The following LMNA variants were observed in gnomAD, a reference collection of about 807,000 sequenced individuals.
LMNA encodes lamin A/C.
A neutral mutation model predicts 70.4 loss-of-function variants in LMNA; 20 were observed. The observed-to-expected ratio is 0.28, with a 90% CI of 0.20 to 0.41. The LOEUF is 0.41. LMNA is among the 10% of genes least tolerant of loss of function. The pLI, the probability that LMNA is intolerant of heterozygous loss-of-function variation, is 1.00. For synonymous variants in LMNA, 339 were observed against 372.8 expected (o/e 0.91, Z 1.04); for missense variants, 652 against 917.2 (o/e 0.71, Z 3.73).
chr1:156,131,919 CA>C (rs1651106109), intron 2 of LMNA, among the ~76,000 whole-genome samples: 1 of 152,232 alleles, frequency 6.6e-6, no homozygotes, highest in Admixed American at 6.5e-5. Context: ...CCTATAATCC[CA>C]GCACTTTGGG....
intron 2 of LMNA, among the ~76,000 whole-genome samples, chr1:156,083,368 A>G (rs1648344135): frequency 6.6e-6 from 1 of 152,080 alleles, no homozygotes; most frequent in Non-Finnish European, 1.5e-5. Flanking sequence ...AGCTTTGGAT[A>G]TGACAGGAGG....
chr1:156,128,299 T>C (rs1275186984), intron 1 of LMNA, among the ~76,000 whole-genome samples: 1 of 152,132 alleles, frequency 6.6e-6, no homozygotes, highest in Non-Finnish European at 1.5e-5. Context: ...AGAAAAAACT[T>C]CTGTGCTCAT....
rs776015136 is a variant in LMNA, at chr1:156,135,020, G to A, written c.810+45G>A. On this transcript the variant is annotated intron_variant, in intron 4 of 11. Transcript: ENST00000368300. This position sits in a 1 kb window ranked among gnomAD's most constrained non-coding sequence, Gnocchi z 4.8. ...TCCCTCACTGCCTCTGCCCTTGGCA[G>A]CCCTACCCTTACCCACGCTGGGCTA... The A allele has an allele frequency of 8.7e-6, 14 of 1,613,218 alleles. No individual in the cohort carries two copies. The highest frequency in any genetic ancestry group is 1.7e-5 in the Admixed American group (1 of 60,002).
At chr1:156,123,990 G>T (rs1650374076) in intron 1 of LMNA, among the ~76,000 whole-genome samples, 1 of 152,190 alleles carries the variant, frequency 6.6e-6, no homozygotes, top group Admixed American at 6.5e-5. Flanking sequence ...ATTAAAACCT[G>T]GCTTTGTCTT....
Position 156,137,919 on chromosome 1 carries a change from C to T in LMNA, c.1698+176C>T, listed in dbSNP as rs1651812855. On this transcript the variant is annotated intron_variant, in intron 10 of 11. Transcript: ENST00000368300. This position sits in a 1 kb window ranked among gnomAD's most constrained non-coding sequence, Gnocchi z 4.6. ...CCTCCCTATACCTTGAACAGGGAAC[C>T]CAGGTGTCTGGGTGCCCTACTCTGG... 1.5e-6 allele frequency: 2 copies of T among 1,378,104 alleles called. No individual in the cohort carries two copies. Among genetic ancestry groups the T allele is most frequent in the African/African-American group, 1.4e-5 (1 of 69,486 alleles). 85.4% of individuals were successfully genotyped at this position (1,378,104 alleles called of 1,614,324 possible). A position where few individuals can be genotyped will look rare whatever the true frequency, so the allele number is the denominator to read the frequency against.
Position 156,138,360 on chromosome 1 carries a change from G to T in LMNA, c.1699-128G>T. The T allele has an allele frequency of 9.4e-7, 1 of 1,068,904 alleles. No individual in the cohort carries two copies. The highest frequency in any genetic ancestry group is 1.5e-5 in the South Asian group (1 of 65,872). The allele number at this position is 1,068,904 out of a possible 1,614,324, so 66.2% of individuals were successfully genotyped here. On this transcript the variant is annotated intron_variant, in intron 10 of 11. Transcript: ENST00000368300. This position sits in a 1 kb window ranked among gnomAD's most constrained non-coding sequence, Gnocchi z 5.5. ...CCTCCCAAACCCCCATTGCCCGCTG[G>T]CTCCTTGGGCACAGAACCACACCTT...
At position 156,137,811 on chromosome 1, in the gene LMNA, C is replaced by T. The variant is rs756695810; in HGVS notation, c.1698+68C>T. 21 of 1,544,738 alleles carry T rather than the reference C, an allele frequency of 1.4e-5. No homozygotes were observed. Among genetic ancestry groups the T allele is most frequent in the Non-Finnish European group, 1.5e-5 (17 of 1,145,900 alleles). ...ACCCAGCCAGGCCTGGGGGCAGCCT[C>T]TCCCCAGCCTCCCCGTGCCAAAAAT... On this transcript the variant is annotated intron_variant, in intron 10 of 11. Coordinates refer to ENST00000368300, the MANE Select transcript of LMNA (RefSeq NM_170707.4). The surrounding 1 kb of genome is among the most constrained non-coding windows in gnomAD (Gnocchi z 4.6).
chr1:156,121,774 C>A (rs1297037819), intron 1 of LMNA, among the ~76,000 whole-genome samples: 1 of 152,142 alleles, frequency 6.6e-6, no homozygotes, highest in Non-Finnish European at 1.5e-5. Context: ...CCATTCTCAC[C>A]TCCTTGGGGT....
chr1:156,125,610 A>T (rs1218565463), intron 1 of LMNA, among the ~76,000 whole-genome samples: 1 of 152,002 alleles, frequency 6.6e-6, no homozygotes, highest in African/African-American at 2.4e-5. Flanking sequence ...AATTGCTTGA[A>T]CCTGGGAGGT....
chr1:156,096,835 C>CGCTT (rs957031743), intron 3 of LMNA, among the ~76,000 whole-genome samples: 2 of 152,254 alleles, frequency 1.3e-5, no homozygotes, highest in Non-Finnish European at 1.5e-5. Context: ...ACCTCCCTTG[C>CGCTT]GCTTGCTCAT....
At chr1:156,086,750 C>T (rs1648496339) in intron 2 of LMNA, among the ~76,000 whole-genome samples, 1 of 152,136 alleles carries the variant, frequency 6.6e-6, no homozygotes, top group Non-Finnish European at 1.5e-5. Flanking sequence ...AGCTATTCTC[C>T]TGCCTCAGCC....
chr1:156,114,941 G>A lies in LMNA; in HGVS notation c.23G>A (p.Arg8His), dbSNP rs1329278578. 7.7e-6 allele frequency: 12 copies of A among 1,565,894 alleles called. No homozygotes were observed. Among genetic ancestry groups the A allele is most frequent in the Non-Finnish European group, 1.0e-5 (12 of 1,155,308 alleles). METPSQR[R>H]ATRSGAQASS... The stretch of plus-strand genomic sequence containing the variant: ...GCCATGGAGACCCCGTCCCAGCGGC[G>A]CGCCACCCGCAGCGGGGCGCAGGCC... The change falls in exon 1 of 12, where the codon CGC becomes CAC. Residue 8 changes from arginine to histidine, a missense_variant. By Grantham distance (29) the Arg-to-His change is conservative. This residue lies in a region of LMNA where 254 missense variants were observed against 421.9 expected (regional missense o/e 0.60). Coordinates refer to ENST00000368300, the MANE Select transcript of LMNA (RefSeq NM_170707.4).
chr1:156,105,269 G>A (rs1649289101), intron 3 of LMNA, among the ~76,000 whole-genome samples: 1 of 152,174 alleles, frequency 6.6e-6, no homozygotes, highest in South Asian at 2.1e-4. Context: ...GGATCTAGAA[G>A]GGAGGTGGTT....
chr1:156,097,530 T>A (rs910565972), intron 3 of LMNA, among the ~76,000 whole-genome samples: 2 of 152,234 alleles, frequency 1.3e-5, no homozygotes, highest in African/African-American at 4.8e-5. Flanking sequence ...CCCTGTTTTA[T>A]CAAAGAGGAA....
Position 156,138,943 on chromosome 1 carries a change from C to G in LMNA, c.1969-137C>G. 1 of 1,285,322 alleles carries G rather than the reference C, an allele frequency of 7.8e-7. No homozygotes were observed. The highest frequency in any genetic ancestry group is 1.1e-6 in the Non-Finnish European group (1 of 890,822). The allele number at this position is 1,285,322 out of a possible 1,614,324, so 79.6% of individuals were successfully genotyped here. A position where few individuals can be genotyped will look rare whatever the true frequency, so the allele number is the denominator to read the frequency against. ...CTGCATCCTGCCCCTCTTGTCTGAG[C>G]CCCAGACTGGAGGGCAGGGGCAGGG... On this transcript the variant is annotated intron_variant, in intron 11 of 11. Coordinates refer to ENST00000368300, the MANE Select transcript of LMNA (RefSeq NM_170707.4). The surrounding 1 kb of genome is among the most constrained non-coding windows in gnomAD (Gnocchi z 5.5).
upstream of LMNA, among the ~76,000 whole-genome samples, chr1:156,113,679 T>A: frequency 6.6e-6 from 1 of 151,960 alleles, no homozygotes; most frequent in East Asian, 1.9e-4. Flanking sequence ...AGACCCAATA[T>A]TGGCTGTCCA....
In LMNA at chr1:156,093,298, A is replaced by AGTTTTTTTTTTTTTTTTTTTTT. The variant is rs1399858052; in HGVS notation, c.-207+2716_-207+2717insGTTTTTTTTTTTTTTTTTTTTT. Among the ~76,000 whole-genome samples the AGTTTTTTTTTTTTTTTTTTTTT allele has an allele frequency of 2.9e-5, 4 of 137,224 alleles. 1 individual carries two copies. Among genetic ancestry groups the AGTTTTTTTTTTTTTTTTTTTTT allele is most frequent in the Non-Finnish European group, 3.1e-5 (2 of 64,610 alleles). 90.0% of individuals were successfully genotyped at this position (137,224 alleles called of 152,430 possible). On this transcript the variant is annotated intron_variant, in intron 3 of 12. Coordinates refer to the LMNA transcript ENST00000368301. ...TCTTGCAGGACTCAATTTATATGTC[A>AGTTTTTTTTTTTTTTTTTTTTT]ATTTTTTTTTTTTTTTTTTTTTTTT...
At chr1:156,113,435 A>T (rs1365880241), upstream of LMNA, among the ~76,000 whole-genome samples, 1 of 152,144 alleles carries the variant, frequency 6.6e-6, no homozygotes, top group Non-Finnish European at 1.5e-5. Flanking sequence ...AGGCCTGAGG[A>T]TGGAGGCTCC....
At chr1:156,106,781 C>T (rs1649367448) in intron 3 of LMNA, 1 of 152,282 alleles carries the variant, frequency 6.6e-6, no homozygotes. Flanking sequence ...GCTGAATTTC[C>T]TTCTGCCTGC....
Sources: gnomAD v4.1 joint callset for allele counts (sites outside exome capture counted in the v4.1 genomes callset) on GRCh38, gnomAD v4.1.1 for gene constraint, gnomAD v4.1.1 regional missense constraint, Gnocchi (gnomAD v3.1) non-coding constraint, MANE v1.5 for transcripts, NCBI Gene and HGNC (gene_info 2026-07-23, HGNC 2026-07-21) for gene names.